Variants in AUTS2 observed in about 807,000 individuals in gnomAD.
AUTS2 encodes the protein activator of transcription and developmental regulator AUTS2.
A neutral mutation model predicts 112.4 loss-of-function variants in AUTS2; 17 were observed. The ratio of observed to expected loss-of-function variants is 0.15; its 90% CI spans 0.10 to 0.23. The LOEUF is 0.23. Among genes scored for constraint, AUTS2 ranks in the 10% least tolerant of loss-of-function variants. The probability of loss-of-function intolerance (pLI) is 1.00; values close to 1 mark genes in which losing one functional copy is unlikely to be tolerated. For missense variants in AUTS2, 1,510 were observed against 1,701.6 expected (o/e 0.89, Z 1.98); for synonymous variants, 751 against 702.7 (o/e 1.07, Z -1.09).
chr7:69,857,274 C>G (rs1792772729), intron 1 of AUTS2, among the ~76,000 whole-genome samples: 1 of 152,122 alleles, frequency 6.6e-6, no homozygotes, highest in Admixed American at 6.6e-5. Context: ...TCACGCAGTC[C>G]TGGAAATGAG....
chr7:70,191,513 A>G (rs1196805027), intron 4 of AUTS2, among the ~76,000 whole-genome samples: 1 of 152,150 alleles, frequency 6.6e-6, no homozygotes, highest in Non-Finnish European at 1.5e-5. Context: ...TACAAGACCA[A>G]ATTTTTGTTT....
chr7:70,414,448 T>C (rs1562944022), intron 4 of AUTS2, among the ~76,000 whole-genome samples: 1 of 152,180 alleles, frequency 6.6e-6, no homozygotes, highest in East Asian at 1.9e-4. Context: ...TGGGCACAGA[T>C]ACTCAGTCAG....
At chr7:69,681,773 T>C (rs1796809025) in intron 1 of AUTS2, among the ~76,000 whole-genome samples, 1 of 152,234 alleles carries the variant, frequency 6.6e-6, no homozygotes, top group Non-Finnish European at 1.5e-5. Context: ...CGTGTAATTA[T>C]TTGATAGACT....
chr7:69,768,698 C>T (rs546674951), intron 1 of AUTS2, among the ~76,000 whole-genome samples: 3 of 152,122 alleles, frequency 2.0e-5, no homozygotes, highest in South Asian at 4.2e-4. Flanking sequence ...GGTTATGTGT[C>T]GTTGGGCAAG....
intron 4 of AUTS2, among the ~76,000 whole-genome samples, chr7:70,357,150 T>C (rs569082816): frequency 6.6e-6 from 1 of 152,258 alleles, no homozygotes; most frequent in South Asian, 2.1e-4. Context: ...TGGCAGGCAC[T>C]TGGGTAAGGA....
At chr7:70,109,684 TC>T (rs1304048186) in intron 2 of AUTS2, among the ~76,000 whole-genome samples, 1 of 152,196 alleles carries the variant, frequency 6.6e-6, no homozygotes, top group African/African-American at 2.4e-5. Context: ...GTATCAGGCT[TC>T]AGAGAGAATA....
At chr7:70,618,043 A>G (rs1162805205) in intron 5 of AUTS2, among the ~76,000 whole-genome samples, 3 of 152,246 alleles carry the variant, frequency 2.0e-5, no homozygotes, top group Non-Finnish European at 2.9e-5. Context: ...CCTAAGTTTT[A>G]TGAGGAACCT....
chr7:70,738,423 T>TTG (rs1554474322), intron 6 of AUTS2, among the ~76,000 whole-genome samples: 4 of 150,094 alleles, frequency 2.7e-5, no homozygotes, highest in South Asian at 2.2e-4. Context: ...TTTTTGTTTT[T>TTG]TTTTTTTTTA....
intron 2 of AUTS2, among the ~76,000 whole-genome samples, chr7:69,918,158 A>G (rs1795667275): frequency 6.6e-6 from 1 of 152,122 alleles, no homozygotes; most frequent in Non-Finnish European, 1.5e-5. Flanking sequence ...CACATTTTTA[A>G]ACTAAGAAAA....
chr7:70,590,122 TTGTGTG>T (rs55775984), intron 5 of AUTS2, among the ~76,000 whole-genome samples: 173 of 143,592 alleles, frequency 1.2e-3, no homozygotes, highest in African/African-American at 3.7e-3. Context: ...GTTTTTGCAT[TTGTGTG>T]TGTGTGTGTG....
chr7:69,899,355 G>A lies in AUTS2; in HGVS notation c.379G>A (p.Glu127Lys). Residue 127 changes from glutamate (E) to lysine (K), a missense_variant, in exon 2 of 19, where the codon GAA becomes AAA. Physicochemically the swap from Glu to Lys is moderately conservative, Grantham distance 56 (BLOSUM62 1). Coordinates refer to ENST00000342771, the MANE Select transcript of AUTS2 (RefSeq NM_015570.4). ...GACGCCCCTGACCAAGAAGAAACGAGAAGCACTTACCAATGGCTTGTCCTT... is the reference window on the plus strand; with the variant it reads ...GACGCCCCTGACCAAGAAGAAACGAAAAGCACTTACCAATGGCTTGTCCTT... ...RQTPLTKKKR[E>K]ALTNGLSFHS... The A allele has an allele frequency of 6.2e-7, 1 of 1,614,040 alleles. No homozygotes were observed. The highest frequency in any genetic ancestry group is 1.7e-5 in the Admixed American group (1 of 60,006).
intron 1 of AUTS2, among the ~76,000 whole-genome samples, chr7:69,637,818 T>G (rs1794618688): frequency 1.3e-5 from 2 of 152,218 alleles, no homozygotes; most frequent in East Asian, 3.8e-4. Flanking sequence ...TTGGAGAGGC[T>G]GTTATACCTC....
chr7:70,303,020 G>A (rs1245477420), intron 4 of AUTS2, among the ~76,000 whole-genome samples: 1 of 151,092 alleles, frequency 6.6e-6, no homozygotes, highest in Non-Finnish European at 1.5e-5. Flanking sequence ...GCTCCCTTGT[G>A]GCTGTGCAGA....
chr7:69,769,468 A>G lies in AUTS2; in HGVS notation c.310-129818A>G, dbSNP rs552002229. On this transcript the variant is annotated intron_variant, in intron 1 of 18. Coordinates refer to ENST00000342771, the MANE Select transcript of AUTS2 (RefSeq NM_015570.4). The stretch of plus-strand genomic sequence containing the variant: ...AGAGTGGGTTTCATTTATAAATTCA[A>G]TGAGATTAGCTACAATCTTCCTGAA... Among the ~76,000 whole-genome samples, 5 of 152,328 alleles carry G rather than the reference A, an allele frequency of 3.3e-5. No individual in the cohort carries two copies. The South Asian group carries it at 6.2e-4, about 19-fold the overall frequency.
chr7:70,618,219 C>G (rs763486333), intron 5 of AUTS2, among the ~76,000 whole-genome samples: 1 of 152,184 alleles, frequency 6.6e-6, no homozygotes, highest in Non-Finnish European at 1.5e-5. Flanking sequence ...TCCCGTGAGA[C>G]CTGTAGAGAG....
intron 5 of AUTS2, among the ~76,000 whole-genome samples, chr7:70,677,813 G>A (rs1807995919): frequency 6.6e-6 from 1 of 152,072 alleles, no homozygotes; most frequent in Admixed American, 6.5e-5. Context: ...GCCAGGCGCG[G>A]TGGCTGACGC....
At chr7:70,444,365 T>TGA (rs1295368668) in intron 5 of AUTS2, among the ~76,000 whole-genome samples, 9 of 149,326 alleles carry the variant, frequency 6.0e-5, no homozygotes, top group South Asian at 2.1e-4. Context: ...TGTGTGTGTG[T>TGA]GTGTGTGTGA....
intron 8 of AUTS2, among the ~76,000 whole-genome samples, chr7:70,765,734 A>G (rs991705759): frequency 1.3e-5 from 2 of 152,152 alleles, no homozygotes; most frequent in Non-Finnish European, 2.9e-5. Context: ...AATCAAACCC[A>G]TGAGTTAGGC....
chr7:69,751,395 A>G (rs1787730655), intron 1 of AUTS2, among the ~76,000 whole-genome samples: 1 of 152,032 alleles, frequency 6.6e-6, no homozygotes, highest in Admixed American at 6.6e-5. Flanking sequence ...GTCTATTGCT[A>G]ATAGTAGATG....
Sources: allele counts gnomAD v4.1 joint callset (sites outside exome capture counted in the v4.1 genomes callset), GRCh38; gene constraint gnomAD v4.1.1; transcripts MANE v1.5; gene names NCBI Gene and HGNC (gene_info 2026-07-23, HGNC 2026-07-21).